MROH2B: variants seen among roughly 807,000 people sequenced by gnomAD.
The protein encoded by MROH2B is maestro heat like repeat family member 2B.
A neutral mutation model predicts 208.6 loss-of-function variants in MROH2B; 177 were observed. The ratio of observed to expected loss-of-function variants is 0.85; its 90% confidence interval spans 0.75 to 0.96. MROH2B has a LOEUF of 0.96. MROH2B is among the 40% of genes least tolerant of loss of function. MROH2B has a pLI of 0.00. For missense variants in MROH2B, 2,002 were observed against 1,878.7 expected, an observed-to-expected ratio of 1.07 and a Z score of -1.21; for synonymous variants, 728 against 659.0, an observed-to-expected ratio of 1.10 and a Z score of -1.60.
At position 40,999,016 on chromosome 5, in the gene MROH2B, T is replaced by A. The variant is rs574712933; in HGVS notation, c.4586-339A>T. Among the ~76,000 whole-genome samples, 10 of 152,346 alleles carry A rather than the reference T, an allele frequency of 6.6e-5. No individual in the cohort carries two copies. In the South Asian group the frequency reaches 1.9e-3, roughly 28 times the overall value. ...TGTGTTGGTGGGGGGATCATATGTA[T>A]GATTCAAGAAGGAATCTTCAGATTT... On this transcript the variant is annotated intron_variant, in intron 40 of 41. Transcript: ENST00000399564.
chr5:41,015,689 T>C (rs930613754), intron 28 of MROH2B, among the ~76,000 whole-genome samples: 1 of 152,216 alleles, frequency 6.6e-6, no homozygotes, highest in Non-Finnish European at 1.5e-5. Context: ...AAACATTATC[T>C]GAGGTAGACT....
At chr5:41,060,148 G>C (rs1280981008) in intron 6 of MROH2B, among the ~76,000 whole-genome samples, 3 of 152,112 alleles carry the variant, frequency 2.0e-5, no homozygotes, top group African/African-American at 7.2e-5. Flanking sequence ...CTGATGCCAA[G>C]TCCTGGTCAT....
intron 24 of MROH2B, among the ~76,000 whole-genome samples, chr5:41,027,471 A>G (rs1244139861): frequency 1.3e-5 from 2 of 152,218 alleles, no homozygotes; most frequent in Admixed American, 1.3e-4. Context: ...GAGAAATGCA[A>G]ATCAAAACCA....
chr5:40,999,946 C>G, intron 39 of MROH2B, 167 bp from the exon 40 acceptor site: 1 of 694,286 alleles, frequency 1.4e-6, no homozygotes, highest in Non-Finnish European at 2.4e-6. Context: ...TACATTTAAT[C>G]AGGAAGCCAT....
In MROH2B at chr5:41,049,151, G is replaced by T. The variant is rs1167005176; in HGVS notation, c.1502-10C>A. 2 of 1,601,654 alleles carry T rather than the reference G, an allele frequency of 1.2e-6. No homozygotes were observed. Among genetic ancestry groups the T allele is most frequent in the Non-Finnish European group, 1.7e-6 (2 of 1,173,382 alleles). On this transcript the variant is annotated splice_polypyrimidine_tract_variant and intron_variant, in intron 14 of 41. Transcript: ENST00000399564. Reference sequence around the variant, plus strand: ...GGTGAAGGAAGTTTCACTAGAAAGAGAAAGCAATTTTCATCATCACTGCAG... The same window carrying T: ...GGTGAAGGAAGTTTCACTAGAAAGATAAAGCAATTTTCATCATCACTGCAG...
intron 39 of MROH2B, 112 bp from the exon 40 acceptor site, chr5:40,999,891 G>T: frequency 1.1e-6 from 1 of 898,534 alleles, no homozygotes; most frequent in Non-Finnish European, 1.7e-6. Context: ...CACTCACACA[G>T]CCATAAATTA....
chr5:41,018,638 T>G, intron 26 of MROH2B, 53 bp downstream of exon 26: 1 of 1,593,906 alleles, frequency 6.3e-7, no homozygotes, highest in Non-Finnish European at 8.6e-7. Context: ...GAGTGGACAT[T>G]GAAGAACAGA....
chr5:41,036,216 T>C (rs1742755191), intron 21 of MROH2B, among the ~76,000 whole-genome samples: 1 of 152,028 alleles, frequency 6.6e-6, no homozygotes, highest in South Asian at 2.1e-4. Flanking sequence ...TGAATTCCCA[T>C]ATGTTGTGGA....
At position 41,058,054 on chromosome 5, in the gene MROH2B, G is replaced by C. The variant is rs920243467; in HGVS notation, c.756+9C>G. The C allele has an allele frequency of 9.6e-6, 15 of 1,556,842 alleles. No homozygotes were observed. The African/African-American group carries it at 1.8e-4, about 19-fold the overall frequency. On this transcript the variant is annotated intron_variant, in intron 7 of 41. Coordinates refer to ENST00000399564, the MANE Select transcript of MROH2B (RefSeq NM_173489.5). Reference sequence around the variant, plus strand: ...CTCTGATTCAGTTCCTTTAGGGTATGGCTCTTACCTGAGTGACATGGAAAT... The same window carrying C: ...CTCTGATTCAGTTCCTTTAGGGTATCGCTCTTACCTGAGTGACATGGAAAT...
At position 41,065,430 on chromosome 5, in the gene MROH2B, A is replaced by T; in HGVS notation, c.262T>A (p.Phe88Ile). ...TGTACTTCATACATCACAGAGTTGA[A>T]ATCATGTGCAGCAAGAGACACCAAA... The part of the protein sequence containing the change: ...EVLVSLAAHD[F>I]NSVMYEVQSN... Residue 88 changes from phenylalanine (F) to isoleucine (I), a missense_variant, in exon 4 of 42, where the codon TTC becomes ATC. By Grantham distance (21) the Phe-to-Ile change is conservative. Coordinates refer to ENST00000399564, the MANE Select transcript of MROH2B (RefSeq NM_173489.5). 6.2e-7 allele frequency: 1 copy of T among 1,613,548 alleles called. No individual in the cohort carries two copies. The highest frequency in any genetic ancestry group is 8.5e-7 in the Non-Finnish European group (1 of 1,179,700).
intron 15 of MROH2B, 121 bp downstream of exon 15, chr5:41,048,980 G>T: frequency 1.1e-6 from 1 of 919,652 alleles, no homozygotes; most frequent in Non-Finnish European, 1.6e-6. Flanking sequence ...AATTTATTAT[G>T]CCTTTTTAGT....
intron 33 of MROH2B, 117 bp from the exon 34 acceptor site, chr5:41,007,571 G>C (rs1741636831): frequency 1.0e-6 from 1 of 1,004,942 alleles, no homozygotes; most frequent in African/African-American, 1.7e-5. Context: ...AGGGGATGTT[G>C]TGTAAGGGAA....
chr5:41,057,413 A>G, intron 7 of MROH2B, 53 bp from the exon 8 acceptor site: 1 of 1,356,560 alleles, frequency 7.4e-7, no homozygotes, highest in Non-Finnish European at 1.0e-6. Flanking sequence ...AAGCAGCTGC[A>G]CAGGATGTGG....
chr5:41,039,297 C>T, intron 20 of MROH2B, 151 bp downstream of exon 20: 1 of 541,346 alleles, frequency 1.8e-6, no homozygotes, highest in Non-Finnish European at 3.3e-6. Flanking sequence ...TATAGCTAAT[C>T]ATCCTATAAA....
chr5:41,004,539 A>G lies in MROH2B; in HGVS notation c.4012-11T>C. The G allele has an allele frequency of 6.2e-7, 1 of 1,601,914 alleles. No individual in the cohort carries two copies. The highest frequency in any genetic ancestry group is 1.4e-5 in the African/African-American group (1 of 73,988). On this transcript the variant is annotated splice_polypyrimidine_tract_variant and intron_variant, in intron 36 of 41. Coordinates refer to ENST00000399564, the MANE Select transcript of MROH2B (RefSeq NM_173489.5). ...CTTATGTTTCTTCACCTATTTTGAA[A>G]TAAGACCTCTTAATCTTGAAAATTG...
At chr5:41,042,573 A>G (rs1029944634) in intron 18 of MROH2B, among the ~76,000 whole-genome samples, 1 of 152,138 alleles carries the variant, frequency 6.6e-6, no homozygotes, top group African/African-American at 2.4e-5. Flanking sequence ...CAAATGCTCA[A>G]TGAACATGCT....
At chr5:41,039,106 G>A (rs932507006) in intron 20 of MROH2B, among the ~76,000 whole-genome samples, 2 of 152,126 alleles carry the variant, frequency 1.3e-5, no homozygotes, top group African/African-American at 4.8e-5. Context: ...ACTGGGAGAA[G>A]CTTTTGTTTA....
At chr5:41,023,727 A>T (rs1169890981) in intron 24 of MROH2B, among the ~76,000 whole-genome samples, 1 of 152,296 alleles carries the variant, frequency 6.6e-6, no homozygotes, top group East Asian at 1.9e-4. Context: ...AAGACACATA[A>T]TTGTCAGATA....
intron 24 of MROH2B, among the ~76,000 whole-genome samples, chr5:41,029,406 TC>T (rs1742488803): frequency 6.6e-6 from 1 of 152,164 alleles, no homozygotes; most frequent in Admixed American, 6.6e-5. Context: ...AAACATTTTT[TC>T]CCAATCCATA....
Sources: gnomAD v4.1 joint callset for allele counts (sites outside exome capture counted in the v4.1 genomes callset) on GRCh38, gnomAD v4.1.1 for gene constraint, MANE v1.5 for transcripts, NCBI Gene and HGNC (gene_info 2026-07-23, HGNC 2026-07-21) for gene names.